The following DCPS variants were observed in gnomAD, a reference collection of about 807,000 sequenced individuals.
DCPS encodes the protein m7GpppX diphosphatase.
A neutral mutation model predicts 34.7 loss-of-function variants in DCPS; 27 were observed. The ratio of observed to expected loss-of-function variants is 0.78; its 90% CI spans 0.57 to 1.07. The LOEUF (loss-of-function observed/expected upper bound fraction) is 1.07, where lower values mean the gene tolerates loss of function less well. Among genes scored for constraint, DCPS ranks in the 50% least tolerant of loss-of-function variants. The pLI, the probability that DCPS is intolerant of heterozygous loss-of-function variation, is 0.00. For synonymous variants in DCPS, 185 were observed against 185.7 expected (o/e 1.00, Z 0.03); for missense variants, 464 against 436.9 (o/e 1.06, Z -0.55).
chr11:126,309,983 A>AT (rs1233750737), intron 2 of DCPS, among the ~76,000 whole-genome samples: 1 of 152,124 alleles, frequency 6.6e-6, no homozygotes, highest in African/African-American at 2.4e-5. Flanking sequence ...GATTGTACAA[A>AT]TAGAGGTCCA....
In DCPS at chr11:126,313,189, C is replaced by T. The variant is rs1951631789; in HGVS notation, c.376+6445C>T. Among the ~76,000 whole-genome samples, 1 of 152,076 alleles carries T rather than the reference C, an allele frequency of 6.6e-6. No individual in the cohort carries two copies. The highest frequency in any genetic ancestry group is 6.5e-5 in the Admixed American group (1 of 15,276). ...TCTCAAGTTCAGAAGAGGAGACAGG[C>T]ATTTGTGAGTGAGGCCAGGGCGGGG... On this transcript the variant is annotated intron_variant, in intron 2 of 5. Transcript: ENST00000263579. This position sits in a 1 kb window ranked among gnomAD's most constrained non-coding sequence, Gnocchi z 4.9.
At chr11:126,324,150 A>G (rs1303871932) in intron 2 of DCPS, among the ~76,000 whole-genome samples, 1 of 152,150 alleles carries the variant, frequency 6.6e-6, no homozygotes, top group East Asian at 1.9e-4. Context: ...GTATTTCTAC[A>G]GTTATTGTAT....
chr11:126,326,996 C>T (rs779130280), intron 2 of DCPS, among the ~76,000 whole-genome samples: 10 of 152,006 alleles, frequency 6.6e-5, no homozygotes, highest in Non-Finnish European at 1.5e-4. Flanking sequence ...TTTCTGTCTC[C>T]ACATATACGT....
intron 2 of DCPS, among the ~76,000 whole-genome samples, chr11:126,330,562 G>A (rs1264255716): frequency 6.6e-6 from 1 of 151,348 alleles, no homozygotes; most frequent in African/African-American, 2.4e-5. Flanking sequence ...GTGGGGCCAA[G>A]GTCCCATTCA....
chr11:126,310,272 C>T (rs1289029082), intron 2 of DCPS, among the ~76,000 whole-genome samples: 2 of 152,234 alleles, frequency 1.3e-5, no homozygotes, highest in African/African-American at 2.4e-5. Flanking sequence ...ACTCCGGGCT[C>T]ATATTGAAAT....
chr11:126,306,609 G>T lies in DCPS; in HGVS notation c.241G>T (p.Val81Phe). The T allele has an allele frequency of 6.2e-7, 1 of 1,613,160 alleles. No homozygotes were observed. Among genetic ancestry groups the T allele is most frequent in the Non-Finnish European group, 8.5e-7 (1 of 1,179,358 alleles). ...TGGGGATGGGGATGGAGAGGATGCC[G>T]TTGTGATCCTGGAGAAGACGCCATT... ...ASGDGDGEDAVVILEKTPFQV... is the reference protein window; with the variant it reads ...ASGDGDGEDAFVILEKTPFQV... Residue 81 changes from valine (V) to phenylalanine (F), a missense_variant, in exon 2 of 6, where the codon GTT becomes TTT. By Grantham distance (50) the Val-to-Phe change is conservative. Coordinates refer to ENST00000263579, the MANE Select transcript of DCPS (RefSeq NM_014026.6).
At position 126,345,835 on chromosome 11, in the gene DCPS, G is replaced by A. The variant is rs1025619431; in HGVS notation, c.*222G>A. On this transcript the variant is annotated 3_prime_UTR_variant, in exon 6 of 6. Transcript: ENST00000263579. The surrounding 1 kb of genome is among the most constrained non-coding windows in gnomAD (Gnocchi z 7.4). ...AACCTGTGGGAAGGCCTTGAGAATG[G>A]TGGAAAGTCTCCAGGTGGTGGTTTC... The A allele has an allele frequency of 1.5e-6, 1 of 663,166 alleles. No homozygotes were observed. 41.1% of individuals were successfully genotyped at this position (663,166 alleles called of 1,614,324 possible). A position where few individuals can be genotyped will look rare whatever the true frequency, so the allele number is the denominator to read the frequency against.
At chr11:126,330,715 ATATATTTTTTTTTTTTTTTTT>A (rs1322388490) in intron 2 of DCPS, among the ~76,000 whole-genome samples, 2 of 20,486 alleles carry the variant, frequency 9.8e-5, no homozygotes, top group Non-Finnish European at 7.8e-5. Context: ...ATATATATAT[ATATATTTTTTTTTTTTTTTTT>A]TTTTTTTTTT....
rs1479864540 is a variant in DCPS at position 126,337,190 on chromosome 11, T to C, written c.523-1096T>C. On this transcript the variant is annotated intron_variant, in intron 3 of 5. Transcript: ENST00000263579. This position sits in a 1 kb window ranked among gnomAD's most constrained non-coding sequence, Gnocchi z 5.3. ...GCCTCCCCATCCCACCTCGTGTCCA[T>C]GGCTCCTTCTCCTACATCAGTGAGC... 1 of 152,224 alleles carries C rather than the reference T, an allele frequency of 6.6e-6. No homozygotes were observed. Among genetic ancestry groups the C allele is most frequent in the Non-Finnish European group, 1.5e-5 (1 of 68,058 alleles). 9.4% of individuals were successfully genotyped at this position (152,224 alleles called of 1,614,324 possible). A position where few individuals can be genotyped will look rare whatever the true frequency, so the allele number is the denominator to read the frequency against.
rs1326093772 is a variant in DCPS at position 126,338,283 on chromosome 11, C to T, written c.523-3C>T. ...TGAACCATCTCTCTCCCCCTCCTTTCAGTGGGTGTATAACATTCTCGACAA... is the reference window on the plus strand; with the variant it reads ...TGAACCATCTCTCTCCCCCTCCTTTTAGTGGGTGTATAACATTCTCGACAA... On this transcript the variant is annotated splice_polypyrimidine_tract_variant and splice_region_variant and intron_variant, in intron 3 of 5. Transcript: ENST00000263579. This position sits in a 1 kb window ranked among gnomAD's most constrained non-coding sequence, Gnocchi z 5.4. 1 of 1,613,912 alleles carries T rather than the reference C, an allele frequency of 6.2e-7. No homozygotes were observed. Among genetic ancestry groups the T allele is most frequent in the African/African-American group, 1.3e-5 (1 of 75,042 alleles).
chr11:126,338,469 C>T lies in DCPS; in HGVS notation c.636+70C>T. On this transcript the variant is annotated intron_variant, in intron 4 of 5. Coordinates refer to ENST00000263579, the MANE Select transcript of DCPS (RefSeq NM_014026.6). The surrounding 1 kb of genome is among the most constrained non-coding windows in gnomAD (Gnocchi z 5.4). ...TGTAAGTGCTGGTCCTTCTGACTGC[C>T]CTCTTTCTCACGCTGGCCTGTCTCT... 1 of 1,401,216 alleles carries T rather than the reference C, an allele frequency of 7.1e-7. No homozygotes were observed. Among genetic ancestry groups the T allele is most frequent in the Non-Finnish European group, 1.0e-6 (1 of 987,488 alleles). 86.8% of individuals were successfully genotyped at this position (1,401,216 alleles called of 1,614,324 possible). A position where few individuals can be genotyped will look rare whatever the true frequency, so the allele number is the denominator to read the frequency against.
In DCPS at chr11:126,342,097, T is replaced by A. The variant is rs898306590; in HGVS notation, c.637-1210T>A. The A allele has an allele frequency of 1.3e-5, 2 of 152,234 alleles. No individual in the cohort carries two copies. The highest frequency in any genetic ancestry group is 4.8e-5 in the African/African-American group (2 of 41,462). The allele number at this position is 152,234 out of a possible 1,614,324, so 9.4% of individuals were successfully genotyped here. A position where few individuals can be genotyped will look rare whatever the true frequency, so the allele number is the denominator to read the frequency against. ...GACTGCAGGGCAGGGCACTGCTGGG[T>A]TCTCCCCGTGCCTGGCCCCTCAGAG... On this transcript the variant is annotated intron_variant, in intron 4 of 5. Coordinates refer to ENST00000263579, the MANE Select transcript of DCPS (RefSeq NM_014026.6). The surrounding 1 kb of genome is among the most constrained non-coding windows in gnomAD (Gnocchi z 4.4).
Position 126,304,163 on chromosome 11 carries a change from A to G in DCPS, c.83A>G (p.Lys28Arg). Residue 28 changes from lysine (K) to arginine (R), a missense_variant, in exon 1 of 6, where the codon AAG becomes AGG. Transcript: ENST00000263579. ...EEAHAASTEE[K>R]EAGVGNGTCA... is the part of the protein sequence containing the mutation. ...GCCCACGCCGCCAGCACAGAGGAAA[A>G]GGAGGCAGGAGTTGGAAATGGTACC... The G allele has an allele frequency of 6.2e-7, 1 of 1,614,238 alleles. No homozygotes were observed. The highest frequency in any genetic ancestry group is 2.2e-5 in the East Asian group (1 of 44,878).
chr11:126,330,715 ATATATTTTTTTTTTTTTTTT>A lies in DCPS; in HGVS notation c.377-688_377-669del, dbSNP rs1203921851. 5.9e-4 allele frequency among the ~76,000 whole-genome samples: 12 copies of A among 20,486 alleles called. No homozygotes were observed. In the East Asian group the frequency reaches 0.015, roughly 25 times the overall value. The allele number at this position is 20,486 out of a possible 152,430, so 13.4% of individuals were successfully genotyped here. On this transcript the variant is annotated intron_variant, in intron 2 of 5. Transcript: ENST00000263579. ...TATATATATATATATATATATATAT[ATATATTTTTTTTTTTTTTTT>A]TTTTTTTTTTTTTTTTTTGAGATAG... is the stretch of plus-strand genomic sequence containing the variant.
Position 126,345,725 on chromosome 11 carries a change from A to G in DCPS, c.*112A>G. The G allele has an allele frequency of 6.8e-7, 1 of 1,475,430 alleles. No individual in the cohort carries two copies. The highest frequency in any genetic ancestry group is 9.1e-7 in the Non-Finnish European group (1 of 1,101,416). The allele number at this position is 1,475,430 out of a possible 1,614,324, so 91.4% of individuals were successfully genotyped here. ...ATGTATTTTATACCGGCTTATTCCT[A>G]GTATTGAATAAACTAGCGGGCTCAC... On this transcript the variant is annotated 3_prime_UTR_variant, in exon 6 of 6. Transcript: ENST00000263579. The surrounding 1 kb of genome is among the most constrained non-coding windows in gnomAD (Gnocchi z 7.4).
At position 126,333,860 on chromosome 11, in the gene DCPS, G is replaced by A. The variant is rs1951810327; in HGVS notation, c.522+2310G>A. 6.8e-6 allele frequency among the ~76,000 whole-genome samples: 1 copy of A among 146,634 alleles called. No individual in the cohort carries two copies. The stretch of plus-strand genomic sequence containing the variant: ...ATCTCACGCTTCAGGGAGTGGAGCT[G>A]GGAATTCTCTCTCTCTCTCTCTCTC... On this transcript the variant is annotated intron_variant, in intron 3 of 5. Coordinates refer to ENST00000263579, the MANE Select transcript of DCPS (RefSeq NM_014026.6). This position sits in a 1 kb window ranked among gnomAD's most constrained non-coding sequence, Gnocchi z 5.7.
At position 126,304,120 on chromosome 11, in the gene DCPS, G is replaced by T. The variant is rs981452494; in HGVS notation, c.40G>T (p.Glu14Ter). The change falls in exon 1 of 6, where the codon GAA becomes TAA. Residue 14 changes from glutamate (E) to a stop codon, truncating the protein, a stop_gained. Coordinates refer to ENST00000263579, the MANE Select transcript of DCPS (RefSeq NM_014026.6). LOFTEE classifies it high-confidence loss of function. Reference protein sequence around the residue: ...AAPQLGKRKRELDVEEAHAAS... With the variant: ...AAPQLGKRKR Reference sequence around the variant, plus strand: ...TCCTCAACTAGGCAAGAGGAAGCGCGAATTGGACGTGGAGGAGGCCCACGC... The same window carrying T: ...TCCTCAACTAGGCAAGAGGAAGCGCTAATTGGACGTGGAGGAGGCCCACGC... The T allele has an allele frequency of 1.2e-6, 2 of 1,613,578 alleles. No individual in the cohort carries two copies. The highest frequency in any genetic ancestry group is 1.7e-5 in the Admixed American group (1 of 59,906).
rs1951685727 is a variant in DCPS, at chr11:126,319,284, A to C, written c.377-12121A>C. 6.6e-6 allele frequency among the ~76,000 whole-genome samples: 1 copy of C among 152,094 alleles called. No individual in the cohort carries two copies. The highest frequency in any genetic ancestry group is 1.5e-5 in the Non-Finnish European group (1 of 68,004). ...CTTCCCCCTTCATGCCTCCCACCCC[A>C]TAATCTAACACTGCTATACTTGGTA... On this transcript the variant is annotated intron_variant, in intron 2 of 5. Transcript: ENST00000263579. The surrounding 1 kb of genome is among the most constrained non-coding windows in gnomAD (Gnocchi z 4.5).
chr11:126,325,407 G>T lies in DCPS; in HGVS notation c.377-5998G>T, dbSNP rs973648337. On this transcript the variant is annotated intron_variant, in intron 2 of 5. Transcript: ENST00000263579. This position sits in a 1 kb window ranked among gnomAD's most constrained non-coding sequence, Gnocchi z 4.3. ...TATCTGTGTATATGTGTGTGTTTGT[G>T]CATGTGTGTGCATTTGGTGAAGGGA... 2.0e-5 allele frequency among the ~76,000 whole-genome samples: 3 copies of T among 152,168 alleles called. No individual in the cohort carries two copies. The highest frequency in any genetic ancestry group is 6.5e-5 in the Admixed American group (1 of 15,276).
Sources: allele counts gnomAD v4.1 joint callset (sites outside exome capture counted in the v4.1 genomes callset), GRCh38; gene constraint gnomAD v4.1.1; non-coding constraint Gnocchi (gnomAD v3.1); transcripts MANE v1.5; gene names NCBI Gene and HGNC (gene_info 2026-07-23, HGNC 2026-07-21).